PHYHIPL: variants seen among roughly 807,000 people sequenced by gnomAD.
PHYHIPL encodes phytanoyl-CoA hydroxylase-interacting protein-like.
Under a neutral mutation model 33.4 loss-of-function variants are expected in PHYHIPL, and 9 were observed. The ratio of observed to expected loss-of-function variants is 0.27; its 90% CI spans 0.16 to 0.47. PHYHIPL has a LOEUF of 0.47. Among genes scored for constraint, PHYHIPL ranks in the 20% least tolerant of loss-of-function variants. PHYHIPL has a pLI of 0.99. For missense variants in PHYHIPL, 365 were observed against 460.7 expected (o/e 0.79, Z 1.90); for synonymous variants, 153 against 154.1 (o/e 0.99, Z 0.05).
chr10:59,179,241 TGAGA>T (rs1683785180), intron 1 of PHYHIPL, among the ~76,000 whole-genome samples: 1 of 152,176 alleles, frequency 6.6e-6, no homozygotes, highest in Admixed American at 6.5e-5. Flanking sequence ...CATTTTGTAT[TGAGA>T]GATTTTCAGC....
rs781044647 is a variant in PHYHIPL at position 59,245,054 on chromosome 10, C to T, written c.597-3C>T. ...AGCAGTGACCACTTGTTTTCTCTTG[C>T]AGAGAACATCATGGGAATGCTATGC... is the stretch of plus-strand genomic sequence containing the variant. On this transcript the variant is annotated splice_polypyrimidine_tract_variant and splice_region_variant and intron_variant, in intron 4 of 4. Transcript: ENST00000373880. The T allele has an allele frequency of 6.3e-7, 1 of 1,599,398 alleles. No homozygotes were observed. Among genetic ancestry groups the T allele is most frequent in the Non-Finnish European group, 8.5e-7 (1 of 1,174,358 alleles).
chr10:59,225,673 G>T (rs2133267571), intron 1 of PHYHIPL, among the ~76,000 whole-genome samples: 2 of 152,164 alleles, frequency 1.3e-5, no homozygotes, highest in South Asian at 4.2e-4. Flanking sequence ...AAGTTTCTTT[G>T]CTGTGATTCT....
intron 1 of PHYHIPL, among the ~76,000 whole-genome samples, chr10:59,197,707 C>G (rs1218271476): frequency 6.6e-6 from 1 of 152,120 alleles, no homozygotes; most frequent in Non-Finnish European, 1.5e-5. Flanking sequence ...TTTACTTTTA[C>G]TTATTTAGGA....
intron 1 of PHYHIPL, among the ~76,000 whole-genome samples, chr10:59,191,853 CTA>C (rs1251188261): frequency 6.6e-6 from 1 of 151,818 alleles, no homozygotes; most frequent in Non-Finnish European, 1.5e-5. Context: ...ATTTCATTTC[CTA>C]TACTGGAAAA....
chr10:59,208,880 A>G (rs1177252085), intron 1 of PHYHIPL, among the ~76,000 whole-genome samples: 1 of 152,142 alleles, frequency 6.6e-6, no homozygotes, highest in Non-Finnish European at 1.5e-5. Flanking sequence ...TTAGAGAAAA[A>G]AGAACGAAAA....
intron 1 of PHYHIPL, among the ~76,000 whole-genome samples, chr10:59,179,616 G>A (rs1397154123): frequency 6.6e-6 from 1 of 152,054 alleles, no homozygotes; most frequent in Non-Finnish European, 1.5e-5. Context: ...TCAACCAAGA[G>A]TTATGCCTGC....
chr10:59,200,810 A>T (rs1446910296), intron 1 of PHYHIPL, among the ~76,000 whole-genome samples: 1 of 152,166 alleles, frequency 6.6e-6, no homozygotes, highest in African/African-American at 2.4e-5. Context: ...CGAAGAATTT[A>T]TCCATTTCTC....
At position 59,246,965 on chromosome 10, in the gene PHYHIPL, A is replaced by G. The variant is rs1477834008; in HGVS notation, c.*1374A>G. The G allele has an allele frequency of 1.8e-5, 4 of 223,364 alleles. No homozygotes were observed. In the East Asian group the frequency reaches 3.5e-4, roughly 19 times the overall value. 13.8% of individuals were successfully genotyped at this position (223,364 alleles called of 1,614,324 possible). A position where few individuals can be genotyped will look rare whatever the true frequency, so the allele number is the denominator to read the frequency against. Reference sequence around the variant, plus strand: ...GATAATAATTCACAAAGTACATGCTATCAGAATGAACTTTGGTAACCAGAA... The same window carrying G: ...GATAATAATTCACAAAGTACATGCTGTCAGAATGAACTTTGGTAACCAGAA... On this transcript the variant is annotated 3_prime_UTR_variant, in exon 5 of 5. Coordinates refer to ENST00000373880, the MANE Select transcript of PHYHIPL (RefSeq NM_032439.4).
chr10:59,188,084 C>G lies in PHYHIPL; in HGVS notation c.106+11125C>G, dbSNP rs193160482. Among the ~76,000 whole-genome samples, 763 of 152,282 alleles carry G rather than the reference C, an allele frequency of 5.0e-3. 6 individuals are homozygous for G. Among genetic ancestry groups the G allele is most frequent in the African/African-American group, 0.018 (732 of 41,540 alleles). On this transcript the variant is annotated intron_variant, in intron 1 of 4. Transcript: ENST00000373880. ...AGGTGTCAATTTTAGATCTTTCCTG[C>G]TTTCTCTTGTGGGCATTTAGTGCTA...
chr10:59,187,834 T>C (rs905802966), intron 1 of PHYHIPL, among the ~76,000 whole-genome samples: 4 of 152,084 alleles, frequency 2.6e-5, no homozygotes, highest in South Asian at 2.1e-4. Context: ...TTTTTTATTG[T>C]GTCTATTTGA....
At chr10:59,203,183 C>T (rs1013437283) in intron 1 of PHYHIPL, among the ~76,000 whole-genome samples, 1 of 152,100 alleles carries the variant, frequency 6.6e-6, no homozygotes, top group African/African-American at 2.4e-5. Context: ...TCATCACTGG[C>T]CATCAGAGAA....
intron 1 of PHYHIPL, among the ~76,000 whole-genome samples, chr10:59,196,391 T>C (rs867149344): frequency 2.0e-5 from 3 of 150,926 alleles, no homozygotes; most frequent in African/African-American, 7.3e-5. Context: ...AAGAAATGAC[T>C]GCACTTATGA....
rs1838263963 is a variant in PHYHIPL, at chr10:59,176,858, A to C, written c.5A>C (p.Glu2Ala). 6.2e-7 allele frequency: 1 copy of C among 1,611,866 alleles called. No homozygotes were observed. Among genetic ancestry groups the C allele is most frequent in the African/African-American group, 1.3e-5 (1 of 74,902 alleles). M[E>A]VPRLDHALNS... ...GCTTCAGAGTGGGTTGGAAAAATGG[A>C]GGTGCCGCGCCTGGATCATGCCCTC... Residue 2 changes from glutamate to alanine, a missense_variant, in exon 1 of 5, where the codon GAG becomes GCG. Physicochemically the swap from Glu to Ala is moderately radical, Grantham distance 107. This residue lies in a region of PHYHIPL where 89 missense variants were observed against 78.3 expected (regional missense o/e 1.14). Coordinates refer to ENST00000373880, the MANE Select transcript of PHYHIPL (RefSeq NM_032439.4).
intron 1 of PHYHIPL, among the ~76,000 whole-genome samples, chr10:59,192,106 TTTTATTAGC>T (rs2133201233): frequency 6.6e-6 from 1 of 152,224 alleles, no homozygotes; most frequent in African/African-American, 2.4e-5. Context: ...GAGTTACACC[TTTTATTAGC>T]ACATGGTGCC....
intron 4 of PHYHIPL, among the ~76,000 whole-genome samples, chr10:59,244,416 T>C (rs1440412630): frequency 6.6e-6 from 1 of 151,626 alleles, no homozygotes; most frequent in Non-Finnish European, 1.5e-5. Flanking sequence ...GTACAAAAAT[T>C]AGCTGGGCAT....
At chr10:59,185,004 T>TTC (rs1838535381) in intron 1 of PHYHIPL, among the ~76,000 whole-genome samples, 1 of 146,518 alleles carries the variant, frequency 6.8e-6, no homozygotes, top group South Asian at 2.3e-4. Flanking sequence ...TTTTTTTTTT[T>TTC]TTTTGAGACG....
intron 1 of PHYHIPL, among the ~76,000 whole-genome samples, chr10:59,231,380 G>C (rs577814561): frequency 5.3e-5 from 8 of 152,026 alleles, no homozygotes; most frequent in African/African-American, 1.9e-4. Flanking sequence ...GATTCAGAAG[G>C]CTAAAAAAAG....
chr10:59,181,145 C>T (rs1838404120), intron 1 of PHYHIPL, among the ~76,000 whole-genome samples: 1 of 152,146 alleles, frequency 6.6e-6, no homozygotes, highest in South Asian at 2.1e-4. Context: ...ATAAGTAAAG[C>T]ATTACTTTCA....
intron 1 of PHYHIPL, among the ~76,000 whole-genome samples, chr10:59,220,866 G>A (rs1839751852): frequency 6.6e-6 from 1 of 152,004 alleles, no homozygotes; most frequent in Non-Finnish European, 1.5e-5. Flanking sequence ...TTAAAATGGG[G>A]ATGGTAGTAA....
Sources: gnomAD v4.1 joint callset for allele counts (sites outside exome capture counted in the v4.1 genomes callset) on GRCh38, gnomAD v4.1.1 for gene constraint, gnomAD v4.1.1 regional missense constraint, MANE v1.5 for transcripts, NCBI Gene and HGNC (gene_info 2026-07-23, HGNC 2026-07-21) for gene names.